ELOVL7: variants seen among roughly 807,000 people sequenced by gnomAD.
The protein encoded by ELOVL7 is ELOVL fatty acid elongase 7.
ELOVL7 carries 27 observed loss-of-function variants against 35.7 expected under a neutral mutation model. That is an observed-to-expected ratio of 0.76 (90% CI 0.56 to 1.04). ELOVL7 has a LOEUF of 1.04. ELOVL7 is among the 50% of genes least tolerant of loss of function. The probability of loss-of-function intolerance (pLI) is 0.00; values close to 1 mark genes in which losing one functional copy is unlikely to be tolerated. For missense variants in ELOVL7, 327 were observed against 340.8 expected (o/e 0.96, Z 0.32); for synonymous variants, 113 against 114.6 (o/e 0.99, Z 0.09).
chr5:60,768,553 A>G (rs1007887311), intron 4 of ELOVL7: 2 of 328,236 alleles, frequency 6.1e-6, no homozygotes, highest in Non-Finnish European at 1.2e-5. Flanking sequence ...ATTCCAACAC[A>G]CCCACAAAGT....
chr5:60,824,109 C>G (rs1346291039), intron 1 of ELOVL7, among the ~76,000 whole-genome samples: 1 of 151,922 alleles, frequency 6.6e-6, no homozygotes, highest in Non-Finnish European at 1.5e-5. Context: ...GGTATCCGTG[C>G]AGAGGATTAC....
intron 8 of ELOVL7, among the ~76,000 whole-genome samples, chr5:60,755,131 G>T (rs954377826): frequency 6.6e-6 from 1 of 152,146 alleles, no homozygotes; most frequent in Admixed American, 6.5e-5. Flanking sequence ...AACAGAGCAG[G>T]TTTTCTCTAA....
chr5:60,780,626 A>C (rs930337433), intron 3 of ELOVL7, among the ~76,000 whole-genome samples: 19 of 152,294 alleles, frequency 1.2e-4, no homozygotes, highest in African/African-American at 4.6e-4. Context: ...AAAGAGATTT[A>C]AATTTGCTGG....
chr5:60,771,401 A>G (rs1043333122), intron 4 of ELOVL7, among the ~76,000 whole-genome samples: 1 of 152,196 alleles, frequency 6.6e-6, no homozygotes, highest in Non-Finnish European at 1.5e-5. Flanking sequence ...ACTGCTTTAT[A>G]TGAGTCTATG....
intron 1 of ELOVL7, among the ~76,000 whole-genome samples, chr5:60,825,156 G>C (rs1324788432): frequency 6.6e-6 from 1 of 151,934 alleles, no homozygotes; most frequent in Non-Finnish European, 1.5e-5. Flanking sequence ...CAAAGTGCTG[G>C]GATTACAGGT....
rs550669621 is a variant in ELOVL7 at position 60,781,480 on chromosome 5, TTC to T, written c.64+5852_64+5853del. On this transcript the variant is annotated intron_variant, in intron 3 of 8. Transcript: ENST00000508821. The stretch of plus-strand genomic sequence containing the variant: ...AGGGGGAAAAATCAAATGACATCAT[TTC>T]TCTGTTCTTCCTCTGGTAGCAGTAG... Among the ~76,000 whole-genome samples, 89 of 152,316 alleles carry T rather than the reference TTC, an allele frequency of 5.8e-4. 1 individual carries two copies. The South Asian group carries it at 9.5e-3, about 16-fold the overall frequency.
At chr5:60,767,087 TTA>T (rs1312052834) in intron 5 of ELOVL7, among the ~76,000 whole-genome samples, 16 of 152,302 alleles carry the variant, frequency 1.1e-4, no homozygotes, top group African/African-American at 3.9e-4. Context: ...CACATTTTGT[TTA>T]TCCATTTATC....
chr5:60,781,421 G>A (rs925825959), intron 3 of ELOVL7, among the ~76,000 whole-genome samples: 1 of 151,994 alleles, frequency 6.6e-6, no homozygotes, highest in Non-Finnish European at 1.5e-5. Flanking sequence ...CTGAATGAGA[G>A]ATATATTTTA....
intron 1 of ELOVL7, among the ~76,000 whole-genome samples, chr5:60,836,514 A>G (rs917539190): frequency 3.3e-5 from 5 of 152,098 alleles, no homozygotes; most frequent in African/African-American, 1.2e-4. Flanking sequence ...TTTCTGAGAC[A>G]TAAATCTTTC....
chr5:60,823,293 A>T (rs982483125), intron 1 of ELOVL7, among the ~76,000 whole-genome samples: 1 of 151,914 alleles, frequency 6.6e-6, no homozygotes, highest in African/African-American at 2.4e-5. Flanking sequence ...CGTGAAATAG[A>T]TGAGTTAGTA....
intron 1 of ELOVL7, among the ~76,000 whole-genome samples, chr5:60,808,152 T>C (rs547447273): frequency 1.3e-5 from 2 of 150,882 alleles, no homozygotes; most frequent in East Asian, 3.9e-4. Flanking sequence ...TTTCTAGGTA[T>C]AGAAGAAAAC....
intron 1 of ELOVL7, among the ~76,000 whole-genome samples, chr5:60,816,176 T>C (rs560330634): frequency 4.1e-4 from 62 of 152,252 alleles, no homozygotes; most frequent in African/African-American, 1.4e-3. Flanking sequence ...GGTCAAGAGT[T>C]TGAGACCAGC....
At chr5:60,779,412 A>T (rs1347130908) in intron 3 of ELOVL7, among the ~76,000 whole-genome samples, 1 of 152,180 alleles carries the variant, frequency 6.6e-6, no homozygotes, top group Non-Finnish European at 1.5e-5. Flanking sequence ...ACATCCTCTG[A>T]AATCTAGGTA....
chr5:60,823,297 G>A (rs1745990923), intron 1 of ELOVL7, among the ~76,000 whole-genome samples: 1 of 152,030 alleles, frequency 6.6e-6, no homozygotes, highest in African/African-American at 2.4e-5. Context: ...AAATAGATGA[G>A]TTAGTAAAGG....
intron 4 of ELOVL7, among the ~76,000 whole-genome samples, chr5:60,769,532 A>T (rs1419646397): frequency 6.6e-6 from 1 of 152,088 alleles, no homozygotes; most frequent in Non-Finnish European, 1.5e-5. Context: ...TTCCCTTTCA[A>T]CTTCTTCAGA....
Position 60,752,136 on chromosome 5 carries a change from G to C in ELOVL7, c.*2488C>G, listed in dbSNP as rs189471181. On this transcript the variant is annotated 3_prime_UTR_variant, in exon 9 of 9. Coordinates refer to ENST00000508821, the MANE Select transcript of ELOVL7 (RefSeq NM_024930.3). ...CTGAAAAGTGGGATGAAATCCCAAA[G>C]GAACTCTATGTGACCACACAGAACT... is the stretch of plus-strand genomic sequence containing the variant. The C allele has an allele frequency of 1.3e-5, 2 of 152,242 alleles. No homozygotes were observed. The highest frequency in any genetic ancestry group is 6.5e-5 in the Admixed American group (1 of 15,290). The allele number at this position is 152,242 out of a possible 1,614,324, so 9.4% of individuals were successfully genotyped here. A position where few individuals can be genotyped will look rare whatever the true frequency, so the allele number is the denominator to read the frequency against.
chr5:60,808,622 A>G (rs1332627479), intron 1 of ELOVL7, among the ~76,000 whole-genome samples: 3 of 152,212 alleles, frequency 2.0e-5, no homozygotes, highest in Non-Finnish European at 4.4e-5. Flanking sequence ...TACTCTTAAT[A>G]TTAACCCAAG....
chr5:60,794,788 A>T (rs1490974286), intron 2 of ELOVL7, among the ~76,000 whole-genome samples: 1 of 152,206 alleles, frequency 6.6e-6, no homozygotes, highest in African/African-American at 2.4e-5. Context: ...AACCTGGAAG[A>T]ACAGAACTGG....
chr5:60,772,384 A>T (rs895910138), intron 3 of ELOVL7, among the ~76,000 whole-genome samples: 22 of 152,090 alleles, frequency 1.4e-4, no homozygotes, highest in African/African-American at 5.3e-4. Flanking sequence ...TTCCCCATGT[A>T]AGGATACAAT....
Sources: gnomAD v4.1 joint callset for allele counts (sites outside exome capture counted in the v4.1 genomes callset) on GRCh38, gnomAD v4.1.1 for gene constraint, MANE v1.5 for transcripts, NCBI Gene and HGNC (gene_info 2026-07-23, HGNC 2026-07-21) for gene names.